Variants in RAB3GAP2 observed in about 807,000 individuals in gnomAD.
RAB3GAP2 encodes rab3 GTPase-activating protein non-catalytic subunit.
Under a neutral mutation model 185.3 loss-of-function variants are expected in RAB3GAP2, and 87 were observed. That is an observed-to-expected ratio of 0.47 (90% CI 0.39 to 0.56). RAB3GAP2 has a LOEUF of 0.56. Among genes scored for constraint, RAB3GAP2 ranks in the 20% least tolerant of loss-of-function variants. RAB3GAP2 has a pLI of 0.00. For synonymous variants in RAB3GAP2, 554 were observed against 576.1 expected, an observed-to-expected ratio of 0.96 and a Z score of 0.55; for missense variants, 1,492 against 1,638.2, an observed-to-expected ratio of 0.91 and a Z score of 1.54.
Position 220,167,172 on chromosome 1 carries a change from A to G in RAB3GAP2, c.3087+121T>C, listed in dbSNP as rs534808508. 3.4e-5 allele frequency: 29 copies of G among 851,768 alleles called. No individual in the cohort carries two copies. The East Asian group carries it at 7.7e-4, about 23-fold the overall frequency. The allele number at this position is 851,768 out of a possible 1,614,324, so 52.8% of individuals were successfully genotyped here. A position where few individuals can be genotyped will look rare whatever the true frequency, so the allele number is the denominator to read the frequency against. On this transcript the variant is annotated intron_variant, in intron 26 of 34. Transcript: ENST00000358951. ...AAAAGGTCTACCCTAGTTAGTACAG[A>G]GGCATTACAACGGGGAAAAAGCCAG...
intron 2 of RAB3GAP2, among the ~76,000 whole-genome samples, chr1:220,216,080 G>A (rs1040793256): frequency 1.3e-5 from 2 of 152,038 alleles, no homozygotes; most frequent in Non-Finnish European, 2.9e-5. Context: ...GGGTTACAGG[G>A]AATCTTTAGA....
At position 220,206,635 on chromosome 1, in the gene RAB3GAP2, G is replaced by A. The variant is rs552864235; in HGVS notation, c.613-629C>T. ...AGTGTGCTCTTGGTGAGACATAGCA[G>A]ATCAAACCAATCTCCTGATTAAAAC... On this transcript the variant is annotated intron_variant, in intron 7 of 34. Transcript: ENST00000358951. Among the ~76,000 whole-genome samples, 5 of 152,252 alleles carry A rather than the reference G, an allele frequency of 3.3e-5. No individual in the cohort carries two copies. The East Asian group carries it at 9.7e-4, about 29-fold the overall frequency.
chr1:220,217,300 C>T (rs140280143), intron 2 of RAB3GAP2, among the ~76,000 whole-genome samples: 101 of 152,150 alleles, frequency 6.6e-4, no homozygotes, highest in African/African-American at 2.3e-3. Flanking sequence ...CACTTTATTC[C>T]GGCCTAATCT....
chr1:220,210,318 TA>T, intron 7 of RAB3GAP2, 69 bp downstream of exon 7: 2 of 1,141,526 alleles, frequency 1.8e-6, no homozygotes, highest in Non-Finnish European at 1.3e-6. Context: ...AGTTTCTACC[TA>T]AAAAAGAGGA....
chr1:220,253,998 T>C (rs1571931015), intron 1 of RAB3GAP2: 1 of 1,613,888 alleles, frequency 6.2e-7, no homozygotes. Flanking sequence ...TAGATCCTAC[T>C]GTTGAAAATG....
chr1:220,222,389 GCT>G (rs1425005240), intron 2 of RAB3GAP2, among the ~76,000 whole-genome samples: 1 of 152,058 alleles, frequency 6.6e-6, no homozygotes, highest in African/African-American at 2.4e-5. Flanking sequence ...GAACCCTAGA[GCT>G]CTCTCACACA....
At chr1:220,188,932 G>A (rs1658556152) in intron 17 of RAB3GAP2, among the ~76,000 whole-genome samples, 1 of 152,108 alleles carries the variant, frequency 6.6e-6, no homozygotes, top group African/African-American at 2.4e-5. Flanking sequence ...TAAAGTCACA[G>A]AAGACATAGG....
intron 1 of RAB3GAP2, chr1:220,254,281 G>C: frequency 6.2e-7 from 1 of 1,613,546 alleles, no homozygotes; most frequent in Admixed American, 1.7e-5. Flanking sequence ...CTATAAATTT[G>C]AGAGACCACA....
rs1411545748 is a variant in RAB3GAP2, at chr1:220,167,513, C to A, written c.2969G>T (p.Gly990Val). Residue 990 changes from glycine to valine, a missense_variant, in exon 25 of 35, where the codon GGA (glycine) becomes GTA (valine). Gly to Val is a moderately radical substitution (Grantham distance 109, BLOSUM62 -3). Coordinates refer to ENST00000358951, the MANE Select transcript of RAB3GAP2 (RefSeq NM_012414.4). ...TATTTGTGTATCACCTGGTATGGCTCCTAAGTCCATCTCCATCTCTGATAC... is the reference window on the plus strand; with the variant it reads ...TATTTGTGTATCACCTGGTATGGCTACTAAGTCCATCTCCATCTCTGATAC... ...LEVSEMEMDL[G>V]AIPDLLHLAY... The A allele has an allele frequency of 1.2e-6, 2 of 1,613,996 alleles. No individual in the cohort carries two copies. Among genetic ancestry groups the A allele is most frequent in the Non-Finnish European group, 1.7e-6 (2 of 1,180,024 alleles).
At chr1:220,163,243 C>A (rs573508598) in intron 27 of RAB3GAP2, among the ~76,000 whole-genome samples, 3 of 152,240 alleles carry the variant, frequency 2.0e-5, no homozygotes, top group South Asian at 2.1e-4. Flanking sequence ...GTAGCTGAGT[C>A]TGTCTATGAG....
intron 1 of RAB3GAP2, among the ~76,000 whole-genome samples, chr1:220,235,804 C>T (rs1160234031): frequency 2.0e-5 from 3 of 152,170 alleles, no homozygotes; most frequent in Non-Finnish European, 4.4e-5. Flanking sequence ...GACCCAGTAT[C>T]TCTCTATGCC....
At chr1:220,254,646 T>G (rs1660000702) in intron 1 of RAB3GAP2, 3 of 838,184 alleles carry the variant, frequency 3.6e-6, no homozygotes, top group Admixed American at 2.3e-5. Context: ...TGTATAACAA[T>G]TGATGTTTGT....
chr1:220,196,790 C>T (rs1295949806), intron 9 of RAB3GAP2, among the ~76,000 whole-genome samples: 1 of 151,428 alleles, frequency 6.6e-6, no homozygotes, highest in Non-Finnish European at 1.5e-5. Flanking sequence ...GAGGTCACAC[C>T]AACTGCACTC....
At chr1:220,240,862 G>A (rs1175559801) in intron 1 of RAB3GAP2, among the ~76,000 whole-genome samples, 2 of 151,884 alleles carry the variant, frequency 1.3e-5, no homozygotes, top group Non-Finnish European at 2.9e-5. Context: ...CCCTCACCAA[G>A]TTAAATGTTT....
At chr1:220,213,058 T>C in intron 3 of RAB3GAP2, 90 bp from the exon 4 acceptor site, 1 of 930,134 alleles carries the variant, frequency 1.1e-6, no homozygotes, top group South Asian at 1.8e-5. Context: ...CCTTAGAATA[T>C]GATTACAAAA....
Position 220,160,036 on chromosome 1 carries a change from T to TA in RAB3GAP2, c.3226-616dup, listed in dbSNP as rs369576394. Among the ~76,000 whole-genome samples, 531 of 144,532 alleles carry TA rather than the reference T, an allele frequency of 3.7e-3. 3 individuals carry two copies. The highest frequency in any genetic ancestry group is 0.013 in the African/African-American group (497 of 39,418). 94.8% of individuals were successfully genotyped at this position (144,532 alleles called of 152,430 possible). A position where few individuals can be genotyped will look rare whatever the true frequency, so the allele number is the denominator to read the frequency against. ...CATCCCACTCCTACCAAAGAAAAAC[T>TA]AAAAAAAAAACCCAGAGCCTAATTC... is the stretch of plus-strand genomic sequence containing the variant. On this transcript the variant is annotated intron_variant, in intron 28 of 34. Coordinates refer to ENST00000358951, the MANE Select transcript of RAB3GAP2 (RefSeq NM_012414.4).
Position 220,181,131 on chromosome 1 carries a change from AC to A in RAB3GAP2, c.2310+1125del, listed in dbSNP as rs533633595. On this transcript the variant is annotated intron_variant, in intron 21 of 34. Coordinates refer to ENST00000358951, the MANE Select transcript of RAB3GAP2 (RefSeq NM_012414.4). Reference sequence around the variant, plus strand: ...TACATGCAAATACCACACCATTTTAACTTTTTTGCTTTTTAGAGACAGGGTC... The same window carrying A: ...TACATGCAAATACCACACCATTTTAATTTTTTGCTTTTTAGAGACAGGGTC... 3.9e-5 allele frequency among the ~76,000 whole-genome samples: 6 copies of A among 152,220 alleles called. No individual in the cohort carries two copies. The South Asian group carries it at 1.2e-3, about 32-fold the overall frequency.
At chr1:220,178,653 C>T (rs1658340173) in intron 21 of RAB3GAP2, among the ~76,000 whole-genome samples, 1 of 151,556 alleles carries the variant, frequency 6.6e-6, no homozygotes, top group Admixed American at 6.6e-5. Context: ...ACAATAGATA[C>T]ACAAAAATCA....
At position 220,254,424 on chromosome 1, in the gene RAB3GAP2, T is replaced by C; in HGVS notation, c.115+17799A>G. On this transcript the variant is annotated intron_variant, in intron 1 of 34. Transcript: ENST00000358951. ...CACCTCTGGATGAGAAGAGCCTTGC[T>C]TTATTACTCAATTATCTTCACGATT... The C allele has an allele frequency of 3.1e-6, 5 of 1,613,074 alleles. No homozygotes were observed. The South Asian group carries it at 5.5e-5, about 18-fold the overall frequency.
Sources: gnomAD v4.1 joint callset for allele counts (sites outside exome capture counted in the v4.1 genomes callset) on GRCh38, gnomAD v4.1.1 for gene constraint, MANE v1.5 for transcripts, NCBI Gene and HGNC (gene_info 2026-07-23, HGNC 2026-07-21) for gene names.